The following CFAP20DC variants were observed in gnomAD, a reference collection of about 807,000 sequenced individuals.
CFAP20DC encodes protein CFAP20DC.
In CFAP20DC, 84 loss-of-function variants were observed where a neutral mutation model predicts 101.7. The ratio of observed to expected loss-of-function variants is 0.83; its 90% CI spans 0.69 to 0.99. The LOEUF is 0.99. CFAP20DC is among the 50% of genes least tolerant of loss of function. The probability of loss-of-function intolerance (pLI) is 0.00; values close to 1 mark genes in which losing one functional copy is unlikely to be tolerated. For synonymous variants in CFAP20DC, 359 were observed against 351.2 expected (o/e 1.02, Z -0.25); for missense variants, 1,007 against 970.3 (o/e 1.04, Z -0.50).
rs2073505874 is a variant in CFAP20DC at position 58,799,465 on chromosome 3, A to G, written c.2237+6930T>C. On this transcript the variant is annotated intron_variant, in intron 15 of 16. Transcript: ENST00000482387. The surrounding 1 kb of genome is among the most constrained non-coding windows in gnomAD (Gnocchi z 4.9). ...AAGGTAGAGAAGTATACAGGTGCTC[A>G]TGGGCTCCAGCTAGTGGAATACACA... Among the ~76,000 whole-genome samples, 1 of 152,220 alleles carries G rather than the reference A, an allele frequency of 6.6e-6. No individual in the cohort carries two copies. Among genetic ancestry groups the G allele is most frequent in the South Asian group, 2.1e-4 (1 of 4,828 alleles).
Position 58,729,818 on chromosome 3 carries a change from A to C in CFAP20DC, c.198-12190T>G, listed in dbSNP as rs1440671162. 6.6e-6 allele frequency among the ~76,000 whole-genome samples: 1 copy of C among 152,074 alleles called. No homozygotes were observed. The highest frequency in any genetic ancestry group is 1.5e-5 in the Non-Finnish European group (1 of 68,018). ...TGAATTGCCTGAGGTCAGGAGTTCG[A>C]GACCAGCGTGACCAACACGGAGAAA... On this transcript the variant is annotated intron_variant, in intron 3 of 3. Coordinates refer to the CFAP20DC transcript ENST00000486145. The surrounding 1 kb of genome is among the most constrained non-coding windows in gnomAD (Gnocchi z 4.4).
At chr3:58,887,916 C>A (rs2106672026) in intron 6 of CFAP20DC, among the ~76,000 whole-genome samples, 1 of 152,318 alleles carries the variant, frequency 6.6e-6, no homozygotes, top group South Asian at 2.1e-4. Context: ...CTAAAGGTTT[C>A]TCTGAGATTT....
chr3:58,743,125 G>A (rs936034214), intron 16 of CFAP20DC, among the ~76,000 whole-genome samples: 1 of 152,188 alleles, frequency 6.6e-6, no homozygotes. Flanking sequence ...TTTTATTAGT[G>A]GTGGCGGGAA....
At chr3:58,826,061 T>A (rs1211398090) in intron 14 of CFAP20DC, among the ~76,000 whole-genome samples, 2 of 152,218 alleles carry the variant, frequency 1.3e-5, no homozygotes, top group Non-Finnish European at 2.9e-5. Flanking sequence ...GGCTTCAGAC[T>A]GCAATGTGTG....
chr3:58,851,367 T>TA (rs778629468), intron 12 of CFAP20DC, among the ~76,000 whole-genome samples: 2 of 152,156 alleles, frequency 1.3e-5, no homozygotes, highest in Non-Finnish European at 2.9e-5. Context: ...GCAGTGATGA[T>TA]ATAGAAGCTG....
chr3:58,934,388 T>C (rs1576374018), intron 5 of CFAP20DC, among the ~76,000 whole-genome samples: 4 of 151,986 alleles, frequency 2.6e-5, no homozygotes, highest in East Asian at 3.9e-4. Context: ...TTCCAATCAA[T>C]AGAAAAAGAA....
At chr3:58,931,280 G>A (rs1366403337) in intron 5 of CFAP20DC, among the ~76,000 whole-genome samples, 1 of 152,200 alleles carries the variant, frequency 6.6e-6, no homozygotes, top group South Asian at 2.1e-4. Context: ...AGCTCGAACT[G>A]GGTGGAGACC....
intron 12 of CFAP20DC, among the ~76,000 whole-genome samples, chr3:58,857,525 C>T (rs1024362818): frequency 6.6e-5 from 10 of 152,164 alleles, no homozygotes; most frequent in African/African-American, 2.2e-4. Flanking sequence ...TGAGCATTCT[C>T]CTGGTTGCAC....
intron 6 of CFAP20DC, among the ~76,000 whole-genome samples, chr3:58,888,778 G>A (rs2081888864): frequency 6.6e-6 from 1 of 152,182 alleles, no homozygotes; most frequent in South Asian, 2.1e-4. Context: ...GTGAACATAT[G>A]CGTGCATGTA....
chr3:58,823,285 T>G (rs535083564), intron 14 of CFAP20DC, among the ~76,000 whole-genome samples: 1 of 152,272 alleles, frequency 6.6e-6, no homozygotes, highest in South Asian at 2.1e-4. Flanking sequence ...TATAAACATA[T>G]GTAGCAGTAA....
At chr3:58,920,601 C>A (rs181670039) in intron 5 of CFAP20DC, among the ~76,000 whole-genome samples, 2 of 152,094 alleles carry the variant, frequency 1.3e-5, no homozygotes, top group Non-Finnish European at 2.9e-5. Flanking sequence ...GATAATCTTA[C>A]GATTTTCCCC....
chr3:58,857,777 T>C (rs1446021807), intron 12 of CFAP20DC, among the ~76,000 whole-genome samples: 1 of 152,050 alleles, frequency 6.6e-6, no homozygotes, highest in Non-Finnish European at 1.5e-5. Context: ...AAGAAATAAA[T>C]GGAGAATTAA....
Position 58,868,026 on chromosome 3 carries a change from G to A in CFAP20DC, c.1016-90C>T. ...GTAAATATAATTATCACTATAATGA[G>A]AATATTCATGTATAATTTTGACATA... On this transcript the variant is annotated intron_variant, in intron 9 of 16. Coordinates refer to ENST00000482387, the MANE Select transcript of CFAP20DC (RefSeq NM_001394063.1). This position sits in a 1 kb window ranked among gnomAD's most constrained non-coding sequence, Gnocchi z 4.6. 8 of 1,318,728 alleles carry A rather than the reference G, an allele frequency of 6.1e-6. No individual in the cohort carries two copies. Among genetic ancestry groups the A allele is most frequent in the South Asian group, 3.4e-5 (2 of 59,196 alleles). 81.7% of individuals were successfully genotyped at this position (1,318,728 alleles called of 1,614,324 possible).
At chr3:58,984,759 C>G (rs777760670) in intron 4 of CFAP20DC, among the ~76,000 whole-genome samples, 3 of 152,102 alleles carry the variant, frequency 2.0e-5, no homozygotes, top group African/African-American at 4.8e-5. Flanking sequence ...TTGGATATAG[C>G]ACCACAGGTG....
chr3:58,855,117 A>G (rs1310895233), intron 12 of CFAP20DC, among the ~76,000 whole-genome samples: 127 of 151,726 alleles, frequency 8.4e-4, no homozygotes, highest in African/African-American at 2.9e-3. Context: ...CAGAATCTAC[A>G]ATGAACTCAA....
intron 12 of CFAP20DC, among the ~76,000 whole-genome samples, chr3:58,852,553 A>C (rs1296582515): frequency 6.6e-6 from 1 of 152,014 alleles, no homozygotes; most frequent in Admixed American, 6.6e-5. Flanking sequence ...TCAGCACCAC[A>C]CCTATTCCAA....
chr3:58,828,380 C>T (rs1251083196), intron 14 of CFAP20DC, among the ~76,000 whole-genome samples: 1 of 152,150 alleles, frequency 6.6e-6, no homozygotes, highest in African/African-American at 2.4e-5. Context: ...AGGCTCCTAA[C>T]CACCAGGTTA....
chr3:59,048,267 G>A (rs1700026327), intron 1 of CFAP20DC, among the ~76,000 whole-genome samples: 1 of 152,180 alleles, frequency 6.6e-6, no homozygotes, highest in Non-Finnish European at 1.5e-5. Flanking sequence ...GGAATTTCCA[G>A]CTTTTAATTT....
At chr3:58,939,559 C>G (rs193172854) in intron 4 of CFAP20DC, among the ~76,000 whole-genome samples, 1 of 150,682 alleles carries the variant, frequency 6.6e-6, no homozygotes, top group African/African-American at 2.4e-5. Context: ...CCCGGGTTCA[C>G]GCCATTCTCC....
Sources: allele counts gnomAD v4.1 joint callset (sites outside exome capture counted in the v4.1 genomes callset), GRCh38; gene constraint gnomAD v4.1.1; non-coding constraint Gnocchi (gnomAD v3.1); transcripts MANE v1.5; gene names NCBI Gene and HGNC (gene_info 2026-07-23, HGNC 2026-07-21).